Variants in IGF2R observed in about 807,000 individuals in gnomAD.
IGF2R encodes insulin like growth factor 2 receptor.
In IGF2R, 91 loss-of-function variants were observed where a neutral mutation model predicts 270.6. That is an observed-to-expected ratio of 0.34 (90% CI 0.28 to 0.40). IGF2R has a LOEUF of 0.40. Among genes scored for constraint, IGF2R ranks in the 10% least tolerant of loss-of-function variants. IGF2R has a pLI of 1.00. For missense variants in IGF2R, 2,805 were observed against 3,188.3 expected, an observed-to-expected ratio of 0.88 and a Z score of 2.90; for synonymous variants, 1,316 against 1,258.9, an observed-to-expected ratio of 1.05 and a Z score of -0.96.
chr6:160,005,177 CTTTGT>C (rs1179056992), intron 2 of IGF2R: 5 of 152,410 alleles, frequency 3.3e-5, no homozygotes, highest in African/African-American at 1.2e-4. Context: ...CAACGAACAG[CTTTGT>C]ACATAAAAGA....
At chr6:159,975,683 T>TA (rs1491401235) in intron 1 of IGF2R, among the ~76,000 whole-genome samples, 1,528 of 129,894 alleles carry the variant, frequency 0.012, 25 homozygotes, top group African/African-American at 0.045. Context: ...ATTATATATA[T>TA]TTATATATAT....
intron 39 of IGF2R, among the ~76,000 whole-genome samples, chr6:160,083,356 G>A (rs1779027163): frequency 2.0e-5 from 3 of 152,224 alleles, no homozygotes; most frequent in South Asian, 4.1e-4. Context: ...TCCTATCTCA[G>A]AGTTGAACAA....
Position 160,107,699 on chromosome 6 carries a change from C to T in IGF2R, c.*2615C>T, listed in dbSNP as rs1221290859. On this transcript the variant is annotated 3_prime_UTR_variant, in exon 48 of 48. Transcript: ENST00000356956. ...GCAAACCCCACACCAAGGAAATCCA[C>T]AGTGAAGTGGAAATCTGGTTCTTAT... 1 of 152,206 alleles carries T rather than the reference C, an allele frequency of 6.6e-6. No homozygotes were observed. The highest frequency in any genetic ancestry group is 1.5e-5 in the Non-Finnish European group (1 of 68,038). The allele number at this position is 152,206 out of a possible 1,614,324, so 9.4% of individuals were successfully genotyped here.
intron 1 of IGF2R, among the ~76,000 whole-genome samples, chr6:159,971,282 A>G (rs1294191920): frequency 6.6e-6 from 1 of 152,200 alleles, no homozygotes; most frequent in Non-Finnish European, 1.5e-5. Context: ...ACCTGTGTTC[A>G]CGAACTTCAT....
intron 1 of IGF2R, among the ~76,000 whole-genome samples, chr6:159,981,082 A>G (rs2115173644): frequency 6.6e-6 from 1 of 152,178 alleles, no homozygotes. Flanking sequence ...GCACTTGCCC[A>G]CCTCCTGGGA....
At chr6:159,999,106 A>G (rs1419028455) in intron 2 of IGF2R, among the ~76,000 whole-genome samples, 1 of 152,224 alleles carries the variant, frequency 6.6e-6, no homozygotes, top group African/African-American at 2.4e-5. Flanking sequence ...ACTTATGAAT[A>G]GAAGCCACAT....
At chr6:160,033,434 C>G (rs146227624) in intron 9 of IGF2R, among the ~76,000 whole-genome samples, 41 of 152,356 alleles carry the variant, frequency 2.7e-4, no homozygotes, top group Middle Eastern at 3.4e-3. Flanking sequence ...TGGGACTGGC[C>G]TGCATAATTT....
Position 160,050,706 on chromosome 6 carries a change from G to A in IGF2R, c.2694+54G>A, listed in dbSNP as rs946633765. On this transcript the variant is annotated intron_variant, in intron 19 of 47. Coordinates refer to ENST00000356956, the MANE Select transcript of IGF2R (RefSeq NM_000876.4). The surrounding 1 kb of genome is among the most constrained non-coding windows in gnomAD (Gnocchi z 4.0). ...TCACTGCTGCATTTTTTGACTGAGC[G>A]TTGCCTTATGTGTCTCTTAACAGCA... 1.9e-5 allele frequency: 28 copies of A among 1,479,326 alleles called. No homozygotes were observed. The highest frequency in any genetic ancestry group is 1.0e-4 in the South Asian group (8 of 78,262). 91.6% of individuals were successfully genotyped at this position (1,479,326 alleles called of 1,614,324 possible).
At position 160,102,564 on chromosome 6, in the gene IGF2R, C is replaced by T; in HGVS notation, c.6888C>T (p.His2296=). The change falls in exon 46 of 48, where the codon CAC becomes CAT. Residue 2296 remains histidine (H), a synonymous_variant. Transcript: ENST00000356956. This position sits in a 1 kb window ranked among gnomAD's most constrained non-coding sequence, Gnocchi z 4.5. ...ATCCCGGGGACGACGGGCAGATGCA[C>T]AAGGGGCTGTCAGAACGGAGCCAGG... ...SENPGDDGQM[H]KGLSERSQAV... is the part of the protein sequence containing the mutation. 1.9e-6 allele frequency: 3 copies of T among 1,613,440 alleles called. No individual in the cohort carries two copies. The highest frequency in any genetic ancestry group is 1.1e-5 in the South Asian group (1 of 91,052).
In IGF2R at chr6:159,998,727, A is replaced by C. The variant is rs1784087216; in HGVS notation, c.289+7404A>C. ...ATATATACTTTCAGGACTCTCAGTA[A>C]CGGCTCCCTTTCTTCAACTGGAGAG... is the stretch of plus-strand genomic sequence containing the variant. On this transcript the variant is annotated intron_variant, in intron 2 of 47. Coordinates refer to ENST00000356956, the MANE Select transcript of IGF2R (RefSeq NM_000876.4). This position sits in a 1 kb window ranked among gnomAD's most constrained non-coding sequence, Gnocchi z 4.1. Among the ~76,000 whole-genome samples the C allele has an allele frequency of 6.6e-6, 1 of 152,162 alleles. No individual in the cohort carries two copies. The highest frequency in any genetic ancestry group is 6.5e-5 in the Admixed American group (1 of 15,280).
Position 160,109,815 on chromosome 6 carries a change from T to C in IGF2R, c.*4731T>C, listed in dbSNP as rs1372077216. 1 of 152,144 alleles carries C rather than the reference T, an allele frequency of 6.6e-6. No homozygotes were observed. The highest frequency in any genetic ancestry group is 1.5e-5 in the Non-Finnish European group (1 of 68,020). 9.4% of individuals were successfully genotyped at this position (152,144 alleles called of 1,614,324 possible). A position where few individuals can be genotyped will look rare whatever the true frequency, so the allele number is the denominator to read the frequency against. On this transcript the variant is annotated 3_prime_UTR_variant, in exon 48 of 48. Transcript: ENST00000356956. ...ATTTGCCCTGCCCCACCCAGCGGCT[T>C]TAGGACTCAGCTCTTCAGGAACAAT...
In IGF2R at chr6:160,080,134, G is replaced by A. The variant is rs754114803; in HGVS notation, c.5692G>A (p.Asp1898Asn). The change falls in exon 39 of 48, where the codon GAT becomes AAT. Residue 1898 changes from aspartate (D) to asparagine (N), a missense_variant. Coordinates refer to ENST00000356956, the MANE Select transcript of IGF2R (RefSeq NM_000876.4). ...AATGTTCTTCTTCTTTCCAGAAACCGATGACGGCGTCCCCTGTGTCTTCCC... is the reference window on the plus strand; with the variant it reads ...AATGTTCTTCTTCTTTCCAGAAACCAATGACGGCGTCCCCTGTGTCTTCCC... ...VNGDRCPPET[D>N]DGVPCVFPFI... The A allele has an allele frequency of 1.3e-5, 21 of 1,613,840 alleles. No individual in the cohort carries two copies. The highest frequency in any genetic ancestry group is 2.2e-5 in the East Asian group (1 of 44,894).
chr6:160,109,348 T>G lies in IGF2R; in HGVS notation c.*4264T>G, dbSNP rs1779694016. On this transcript the variant is annotated 3_prime_UTR_variant, in exon 48 of 48. Transcript: ENST00000356956. The stretch of plus-strand genomic sequence containing the variant: ...CAGAGCCCTGGAAGGAAGCAGGAAG[T>G]CAGGTTCAAGAAAGGACTTGTGACC... The G allele has an allele frequency of 6.6e-6, 1 of 152,224 alleles. No homozygotes were observed. 9.4% of individuals were successfully genotyped at this position (152,224 alleles called of 1,614,324 possible). A position where few individuals can be genotyped will look rare whatever the true frequency, so the allele number is the denominator to read the frequency against.
intron 1 of IGF2R, among the ~76,000 whole-genome samples, chr6:159,975,338 G>A (rs976234788): frequency 6.6e-6 from 1 of 152,138 alleles, no homozygotes; most frequent in Non-Finnish European, 1.5e-5. Context: ...GAAGGGGTGC[G>A]GAGCCTCTGT....
chr6:160,074,068 C>G (rs1294640632), intron 35 of IGF2R, 93 bp downstream of exon 35: 3 of 848,284 alleles, frequency 3.5e-6, no homozygotes, highest in African/African-American at 1.7e-5. Context: ...GGGAGTTGCT[C>G]AAGCATAAAA....
rs998278304 is a variant in IGF2R at position 160,085,554 on chromosome 6, A to G, written c.6205+423A>G. On this transcript the variant is annotated intron_variant, in intron 41 of 47. Transcript: ENST00000356956. ...GTACATCTTTGTAAAATGTCTTAAC[A>G]ATTTTTCACGGGAAATTGATCTTGT... is the stretch of plus-strand genomic sequence containing the variant. 2.6e-5 allele frequency among the ~76,000 whole-genome samples: 4 copies of G among 152,228 alleles called. No individual in the cohort carries two copies. In the East Asian group the frequency reaches 5.8e-4, roughly 22 times the overall value.
At chr6:159,981,500 A>G (rs997983236) in intron 1 of IGF2R, among the ~76,000 whole-genome samples, 1 of 151,804 alleles carries the variant, frequency 6.6e-6, no homozygotes, top group Non-Finnish European at 1.5e-5. Flanking sequence ...CAGCCAACTC[A>G]CCTTTTTTTG....
chr6:160,083,856 C>G (rs1467161692), intron 39 of IGF2R, 94 bp from the exon 40 acceptor site: 1 of 878,614 alleles, frequency 1.1e-6, no homozygotes, highest in African/African-American at 1.7e-5. Context: ...GTTTAAAGTA[C>G]AGGGCTTTTT....
intron 1 of IGF2R, among the ~76,000 whole-genome samples, chr6:159,984,494 G>A (rs569876493): frequency 1.3e-5 from 2 of 152,330 alleles, no homozygotes; most frequent in African/African-American, 4.8e-5. Context: ...CTAGGCAAGT[G>A]TGCCATTTTA....
Sources: allele counts gnomAD v4.1 joint callset (sites outside exome capture counted in the v4.1 genomes callset), GRCh38; gene constraint gnomAD v4.1.1; non-coding constraint Gnocchi (gnomAD v3.1); transcripts MANE v1.5; gene names NCBI Gene and HGNC (gene_info 2026-07-23, HGNC 2026-07-21).